The following COL5A2 variants were observed in gnomAD, a reference collection of about 807,000 sequenced individuals.
COL5A2 encodes the protein collagen type V alpha 2 chain.
In COL5A2, 23 loss-of-function variants were observed where a neutral mutation model predicts 208.2. The observed-to-expected ratio is 0.11, with a 90% confidence interval of 0.08 to 0.16. The LOEUF (loss-of-function observed/expected upper bound fraction) is 0.16. Among genes scored for constraint, COL5A2 ranks in the 10% least tolerant of loss-of-function variants. COL5A2 has a pLI of 1.00. For missense variants in COL5A2, 1,590 were observed against 1,956.4 expected (o/e 0.81, Z 3.53); for synonymous variants, 625 against 628.5 (o/e 0.99, Z 0.08).
At chr2:189,334,746 A>G in the COL5A2 span, among the ~76,000 whole-genome samples, 3 of 152,020 alleles carry the variant, frequency 2.0e-5, no homozygotes, top group Non-Finnish European at 4.4e-5. Context: ...ATTTGTATTG[A>G]ACGACAAAGT....
At chr2:189,334,378 AAT>A in the COL5A2 span, among the ~76,000 whole-genome samples, 1 of 152,042 alleles carries the variant, frequency 6.6e-6, no homozygotes, top group African/African-American at 2.4e-5. Flanking sequence ...ATCAACAAAA[AAT>A]AAAAAGTGAA....
chr2:189,116,031 C>T (rs1297035705), intron 1 of COL5A2, among the ~76,000 whole-genome samples: 1 of 152,162 alleles, frequency 6.6e-6, no homozygotes, highest in African/African-American at 2.4e-5. Context: ...TTTAGAACAA[C>T]CTTCAGAAAG....
chr2:189,416,728 A>T, the COL5A2 span, among the ~76,000 whole-genome samples: 177 of 152,320 alleles, frequency 1.2e-3, 1 homozygote, highest in African/African-American at 3.9e-3. Context: ...AAAATTTTTT[A>T]AAAAAATCCT....
intron 1 of COL5A2, among the ~76,000 whole-genome samples, chr2:189,221,991 C>G (rs1275125871): frequency 1.3e-5 from 2 of 151,880 alleles, no homozygotes; most frequent in African/African-American, 4.8e-5. Flanking sequence ...TGTACCACAC[C>G]CTGAGTCCAT....
At chr2:189,344,216 T>C in the COL5A2 span, among the ~76,000 whole-genome samples, 1 of 152,216 alleles carries the variant, frequency 6.6e-6, no homozygotes, top group African/African-American at 2.4e-5. Flanking sequence ...TTTACATGGC[T>C]AAACTTTGCC....
intron 1 of COL5A2, among the ~76,000 whole-genome samples, chr2:189,125,901 C>T (rs1687598589): frequency 6.6e-6 from 1 of 151,956 alleles, no homozygotes; most frequent in Non-Finnish European, 1.5e-5. Flanking sequence ...GAGAAAGTTG[C>T]TTATTTCTTA....
chr2:189,241,444 C>T, the COL5A2 span, among the ~76,000 whole-genome samples: 5 of 152,182 alleles, frequency 3.3e-5, no homozygotes, highest in Admixed American at 3.3e-4. Context: ...ACTTTCTCTA[C>T]ACACAAGCAT....
At chr2:189,060,218 G>A (rs1685997864) in intron 31 of COL5A2, among the ~76,000 whole-genome samples, 1 of 152,082 alleles carries the variant, frequency 6.6e-6, no homozygotes, top group East Asian at 1.9e-4. Context: ...TTTAGAGCAT[G>A]CTATTATTGT....
chr2:189,200,606 A>G (rs1306821760), intron 1 of COL5A2, among the ~76,000 whole-genome samples: 1 of 146,112 alleles, frequency 6.8e-6, no homozygotes, highest in Non-Finnish European at 1.5e-5. Flanking sequence ...TCCCAAAATA[A>G]TAAAATATAC....
chr2:189,392,161 T>C, the COL5A2 span, among the ~76,000 whole-genome samples: 1 of 152,158 alleles, frequency 6.6e-6, no homozygotes, highest in Non-Finnish European at 1.5e-5. Context: ...AGTTTAGACA[T>C]TGGGCTTAAC....
At chr2:189,114,605 A>G (rs974099347) in intron 1 of COL5A2, among the ~76,000 whole-genome samples, 3 of 151,332 alleles carry the variant, frequency 2.0e-5, no homozygotes, top group African/African-American at 7.3e-5. Flanking sequence ...GCTGACGTCC[A>G]AAGCTTAGAT....
intron 46 of COL5A2, 104 bp from the exon 47 acceptor site, chr2:189,045,336 A>G: frequency 1.4e-6 from 1 of 718,168 alleles, no homozygotes; most frequent in Admixed American, 2.4e-5. Flanking sequence ...ATGCATATAT[A>G]TATATGTGTG....
chr2:189,248,226 G>A, the COL5A2 span, among the ~76,000 whole-genome samples: 1 of 152,144 alleles, frequency 6.6e-6, no homozygotes, highest in Non-Finnish European at 1.5e-5. Context: ...AGATACAGCT[G>A]CATATTTCAT....
At chr2:189,176,843 C>A (rs1477594139) in intron 1 of COL5A2, among the ~76,000 whole-genome samples, 7 of 152,054 alleles carry the variant, frequency 4.6e-5, no homozygotes, top group Non-Finnish European at 7.4e-5. Flanking sequence ...ATTTTTGTTA[C>A]GTTAGTTTTA....
chr2:189,245,838 T>C, the COL5A2 span, among the ~76,000 whole-genome samples: 1 of 152,222 alleles, frequency 6.6e-6, no homozygotes, highest in Admixed American at 6.5e-5. Context: ...GAGTAAGAGT[T>C]GAAACTGTGT....
At chr2:189,139,810 C>A (rs866401022) in intron 1 of COL5A2, among the ~76,000 whole-genome samples, 1 of 152,220 alleles carries the variant, frequency 6.6e-6, no homozygotes, top group East Asian at 1.9e-4. Flanking sequence ...TGCAGTGGCT[C>A]ACGCCTGTAA....
chr2:189,069,871 A>C (rs939760958), intron 18 of COL5A2, among the ~76,000 whole-genome samples: 1 of 152,210 alleles, frequency 6.6e-6, no homozygotes, highest in Non-Finnish European at 1.5e-5. Context: ...TCTGGGCTAC[A>C]ACTTTATTTA....
chr2:189,113,532 A>T (rs541874284), intron 1 of COL5A2, among the ~76,000 whole-genome samples: 9 of 150,286 alleles, frequency 6.0e-5, no homozygotes, highest in Non-Finnish European at 1.0e-4. Context: ...TTACACATAT[A>T]ACAATATATG....
intron 16 of COL5A2, among the ~76,000 whole-genome samples, chr2:189,076,779 T>A (rs1300926606): frequency 6.6e-6 from 1 of 152,034 alleles, no homozygotes; most frequent in African/African-American, 2.4e-5. Flanking sequence ...GATATGTGGG[T>A]CAACACACTG....
Sources: gnomAD v4.1 joint callset for allele counts (sites outside exome capture counted in the v4.1 genomes callset) on GRCh38, gnomAD v4.1.1 for gene constraint, MANE v1.5 for transcripts, NCBI Gene and HGNC (gene_info 2026-07-23, HGNC 2026-07-21) for gene names.